The following ADGRL2 variants were observed in gnomAD, a reference collection of about 807,000 sequenced individuals.
The protein encoded by ADGRL2 is calcium-independent alpha-latrotoxin receptor 2.
ADGRL2 carries 44 observed loss-of-function variants against 157.4 expected under a neutral mutation model. That is an observed-to-expected ratio of 0.28 (90% CI 0.22 to 0.36). The LOEUF (loss-of-function observed/expected upper bound fraction) is 0.36. Ranked by LOEUF, ADGRL2 falls within the 10% of genes least tolerant of loss-of-function variation. The probability of loss-of-function intolerance (pLI) is 1.00; values close to 1 mark genes in which losing one functional copy is unlikely to be tolerated. For synonymous variants in ADGRL2, 585 were observed against 624.7 expected (o/e 0.94, Z 0.95); for missense variants, 1,510 against 1,768.9 (o/e 0.85, Z 2.63).
intron 3 of ADGRL2, among the ~76,000 whole-genome samples, chr1:81,609,535 G>A (rs2081499299): frequency 6.6e-6 from 1 of 152,018 alleles, no homozygotes; most frequent in Non-Finnish European, 1.5e-5. Flanking sequence ...CCACACATAA[G>A]AACTTTATTA....
intron 3 of ADGRL2, among the ~76,000 whole-genome samples, chr1:81,583,037 A>G (rs1235029287): frequency 6.6e-6 from 1 of 152,198 alleles, no homozygotes; most frequent in Non-Finnish European, 1.5e-5. Context: ...AGGATTTCTC[A>G]CTGGATATTC....
At chr1:81,763,423 A>G (rs545287330) in intron 2 of ADGRL2, among the ~76,000 whole-genome samples, 17 of 151,936 alleles carry the variant, frequency 1.1e-4, no homozygotes, top group African/African-American at 3.9e-4. Flanking sequence ...CATCTCTACT[A>G]AAAATATAAA....
chr1:81,986,368 T>C (rs1663157092), intron 21 of ADGRL2, among the ~76,000 whole-genome samples: 2 of 152,070 alleles, frequency 1.3e-5, no homozygotes, highest in Non-Finnish European at 2.9e-5. Context: ...TTTCTCAGCA[T>C]GTGTGCTTTT....
At chr1:81,550,489 C>G (rs1004332670) in intron 2 of ADGRL2, among the ~76,000 whole-genome samples, 8 of 152,092 alleles carry the variant, frequency 5.3e-5, no homozygotes, top group African/African-American at 1.4e-4. Context: ...CTGTTACAAG[C>G]CCAAGAGGTG....
intron 3 of ADGRL2, among the ~76,000 whole-genome samples, chr1:81,625,149 G>C (rs536466261): frequency 1.3e-5 from 2 of 152,252 alleles, no homozygotes; most frequent in African/African-American, 2.4e-5. Context: ...AAATGAAAAA[G>C]CTCCTTCAGT....
intron 1 of ADGRL2, among the ~76,000 whole-genome samples, chr1:81,808,712 C>G (rs950741973): frequency 2.0e-5 from 3 of 152,048 alleles, no homozygotes; most frequent in African/African-American, 7.2e-5. Flanking sequence ...TTTGGCAATT[C>G]TTACTACTGA....
At chr1:81,951,198 T>A in intron 8 of ADGRL2, 77 bp downstream of exon 8, 3 of 988,802 alleles carry the variant, frequency 3.0e-6, no homozygotes, top group South Asian at 1.4e-5. Flanking sequence ...TAGCTTTGTG[T>A]GTTAAAACCA....
At chr1:81,444,889 C>G (rs1270531388) in intron 1 of ADGRL2, 2 of 152,186 alleles carry the variant, frequency 1.3e-5, no homozygotes, top group African/African-American at 2.4e-5. Context: ...CTCTCTGTAT[C>G]TCCAAATTGG....
intron 6 of ADGRL2, among the ~76,000 whole-genome samples, chr1:81,949,736 CTT>C (rs973350269): frequency 6.6e-5 from 10 of 152,136 alleles, no homozygotes; most frequent in African/African-American, 2.4e-4. Context: ...AAGTGGGTGA[CTT>C]TAAATTTTTT....
At chr1:81,820,390 G>A (rs2090862217) in intron 1 of ADGRL2, among the ~76,000 whole-genome samples, 1 of 152,072 alleles carries the variant, frequency 6.6e-6, no homozygotes, top group Non-Finnish European at 1.5e-5. Flanking sequence ...AAAATTTTTT[G>A]TGATGCAGTT....
intron 1 of ADGRL2, among the ~76,000 whole-genome samples, chr1:81,804,989 A>T (rs1301075399): frequency 1.3e-5 from 2 of 152,144 alleles, no homozygotes; most frequent in Non-Finnish European, 2.9e-5. Flanking sequence ...TTGCAAAAAG[A>T]AGCTTGGAAA....
chr1:81,489,432 T>G (rs2078582814), intron 2 of ADGRL2, among the ~76,000 whole-genome samples: 1 of 151,584 alleles, frequency 6.6e-6, no homozygotes, highest in South Asian at 2.1e-4. Context: ...CAGAAAGAAA[T>G]AAGATTAAAA....
At chr1:81,472,221 C>T (rs1199871268) in intron 2 of ADGRL2, among the ~76,000 whole-genome samples, 1 of 152,032 alleles carries the variant, frequency 6.6e-6, no homozygotes, top group Non-Finnish European at 1.5e-5. Flanking sequence ...TTTTTTTCCC[C>T]CAGTTCCAGC....
intron 1 of ADGRL2, chr1:81,721,886 G>A (rs1450326101): frequency 5.4e-6 from 4 of 743,984 alleles, no homozygotes; most frequent in African/African-American, 1.7e-5. Flanking sequence ...GTAAGAAGGT[G>A]GAGGAAAACT....
chr1:81,412,964 T>C (rs1249671528), intron 1 of ADGRL2, among the ~76,000 whole-genome samples: 1 of 152,216 alleles, frequency 6.6e-6, no homozygotes, highest in Non-Finnish European at 1.5e-5. Context: ...TTAATGGCCA[T>C]TAATGATGAC....
At chr1:81,392,438 T>C (rs1159722850) in intron 1 of ADGRL2, among the ~76,000 whole-genome samples, 1 of 152,094 alleles carries the variant, frequency 6.6e-6, no homozygotes, top group African/African-American at 2.4e-5. Flanking sequence ...TCTGCAAAAT[T>C]ATGCTGGAGG....
At chr1:81,330,452 A>G (rs749380702) in intron 1 of ADGRL2, among the ~76,000 whole-genome samples, 5 of 152,154 alleles carry the variant, frequency 3.3e-5, no homozygotes, top group African/African-American at 4.8e-5. Flanking sequence ...ACATACAGAG[A>G]ACAAAACTTT....
At chr1:81,874,706 C>A (rs1426750153) in intron 2 of ADGRL2, among the ~76,000 whole-genome samples, 1 of 151,394 alleles carries the variant, frequency 6.6e-6, no homozygotes, top group Non-Finnish European at 1.5e-5. Context: ...CTTCTCTTCT[C>A]TTTTTCTTTT....
At chr1:81,428,624 A>C (rs2101601412) in intron 1 of ADGRL2, among the ~76,000 whole-genome samples, 1 of 152,256 alleles carries the variant, frequency 6.6e-6, no homozygotes, top group Admixed American at 6.5e-5. Flanking sequence ...GGAAGAGTAA[A>C]GGATTTTTAG....
Sources: gnomAD v4.1 joint callset for allele counts (sites outside exome capture counted in the v4.1 genomes callset) on GRCh38, gnomAD v4.1.1 for gene constraint, MANE v1.5 for transcripts, NCBI Gene and HGNC (gene_info 2026-07-23, HGNC 2026-07-21) for gene names.